Variants in HECTD2 observed in about 807,000 individuals in gnomAD.
HECTD2 encodes probable E3 ubiquitin-protein ligase HECTD2.
Under a neutral mutation model 103.2 loss-of-function variants are expected in HECTD2, and 35 were observed. The ratio of observed to expected loss-of-function variants is 0.34; its 90% CI spans 0.26 to 0.45. The LOEUF (loss-of-function observed/expected upper bound fraction) is 0.45. Ranked by LOEUF, HECTD2 falls within the 20% of genes least tolerant of loss-of-function variation. HECTD2 has a pLI of 1.00. For missense variants in HECTD2, 596 were observed against 937.4 expected (o/e 0.64, Z 4.76); for synonymous variants, 281 against 329.9 (o/e 0.85, Z 1.61).
chr10:91,504,816 A>C (rs1847078288), intron 20 of HECTD2, among the ~76,000 whole-genome samples: 2 of 151,960 alleles, frequency 1.3e-5, no homozygotes, highest in Admixed American at 6.6e-5. Flanking sequence ...ACTCCAAGAC[A>C]CATAATTGTC....
At chr10:91,475,773 AGAGT>A (rs1281874615) in intron 5 of HECTD2, among the ~76,000 whole-genome samples, 4 of 152,228 alleles carry the variant, frequency 2.6e-5, no homozygotes, top group African/African-American at 9.6e-5. Flanking sequence ...AGTTGTTAGC[AGAGT>A]AAGTGAGACC....
At chr10:91,453,016 A>T (rs1022339829) in intron 2 of HECTD2, among the ~76,000 whole-genome samples, 3 of 152,170 alleles carry the variant, frequency 2.0e-5, no homozygotes, top group Non-Finnish European at 4.4e-5. Context: ...AAGGTGATAA[A>T]CAGAAGTATT....
Position 91,491,180 on chromosome 10 carries a change from T to G in HECTD2, c.1192-20T>G, listed in dbSNP as rs1159595038. The G allele has an allele frequency of 3.9e-6, 5 of 1,280,830 alleles. No individual in the cohort carries two copies. The highest frequency in any genetic ancestry group is 1.5e-5 in the African/African-American group (1 of 67,968). The allele number at this position is 1,280,830 out of a possible 1,614,324, so 79.3% of individuals were successfully genotyped here. A position where few individuals can be genotyped will look rare whatever the true frequency, so the allele number is the denominator to read the frequency against. On this transcript the variant is annotated intron_variant, in intron 11 of 20. Coordinates refer to ENST00000298068, the MANE Select transcript of HECTD2 (RefSeq NM_182765.6). ...ATAGTCTAAGTAAAAGCAAAACTGT[T>G]TACTTTCTTATTTAATCAGCAAAGT...
rs1349540367 is a variant in HECTD2 at position 91,514,261 on chromosome 10, T to C, written c.*1877T>C. 1.3e-5 allele frequency: 2 copies of C among 152,646 alleles called. No individual in the cohort carries two copies. The highest frequency in any genetic ancestry group is 2.9e-5 in the Non-Finnish European group (2 of 68,026). 9.5% of individuals were successfully genotyped at this position (152,646 alleles called of 1,614,324 possible). A position where few individuals can be genotyped will look rare whatever the true frequency, so the allele number is the denominator to read the frequency against. On this transcript the variant is annotated 3_prime_UTR_variant, in exon 21 of 21. Coordinates refer to ENST00000298068, the MANE Select transcript of HECTD2 (RefSeq NM_182765.6). ...TTTAATGATGTGCTTGTATATCGAT[T>C]AGCTGTGTCACTTTTAAATAAGAAG...
chr10:91,418,328 A>C (rs1003275390), intron 1 of HECTD2, among the ~76,000 whole-genome samples: 1 of 152,216 alleles, frequency 6.6e-6, no homozygotes, highest in African/African-American at 2.4e-5. Flanking sequence ...AATGAATAAA[A>C]TCTCTAATGC....
intron 2 of HECTD2, among the ~76,000 whole-genome samples, chr10:91,450,578 G>T (rs1054717022): frequency 6.6e-6 from 1 of 151,964 alleles, no homozygotes; most frequent in African/African-American, 2.4e-5. Flanking sequence ...TATCATCAGA[G>T]TGAAGAGGCA....
In HECTD2 at chr10:91,498,908, A is replaced by G; in HGVS notation, c.1792A>G (p.Asn598Asp). 1 of 1,606,710 alleles carries G rather than the reference A, an allele frequency of 6.2e-7. No homozygotes were observed. The highest frequency in any genetic ancestry group is 8.5e-7 in the Non-Finnish European group (1 of 1,174,676). ...AGAATTTGGAATAATCAAGTCCTAT[A>G]ATTTAAAGCCCGGTGGTGATAAAAT... is the stretch of plus-strand genomic sequence containing the variant. ...QEEFGIIKSY[N>D]LKPGGDKISV... Residue 598 changes from asparagine (N) to aspartate (D), a missense_variant, in exon 17 of 21, where the codon AAT becomes GAT. Asn to Asp is a conservative substitution (Grantham distance 23). This residue lies in a region of HECTD2 where 303 missense variants were observed against 522.5 expected (regional missense o/e 0.58). Coordinates refer to ENST00000298068, the MANE Select transcript of HECTD2 (RefSeq NM_182765.6).
intron 5 of HECTD2, among the ~76,000 whole-genome samples, chr10:91,463,868 A>G (rs1845440406): frequency 6.6e-6 from 1 of 152,234 alleles, no homozygotes; most frequent in Non-Finnish European, 1.5e-5. Context: ...ACCACTTTGG[A>G]AAAATACTTG....
intron 2 of HECTD2, among the ~76,000 whole-genome samples, chr10:91,456,090 T>G (rs921760431): frequency 2.8e-4 from 42 of 152,146 alleles, no homozygotes; most frequent in Non-Finnish European, 4.7e-4. Context: ...TTTAAAGTAG[T>G]TTTTTCCAAT....
chr10:91,437,729 G>A (rs1179149929), intron 2 of HECTD2, among the ~76,000 whole-genome samples: 3 of 145,330 alleles, frequency 2.1e-5, no homozygotes, highest in Admixed American at 1.4e-4. Context: ...TTTTATAATA[G>A]ATGACATATA....
In HECTD2 at chr10:91,501,082, A is replaced by T. The variant is rs186623421; in HGVS notation, c.2067-109A>T. 35 of 842,922 alleles carry T rather than the reference A, an allele frequency of 4.2e-5. No homozygotes were observed. In the East Asian group the frequency reaches 8.8e-4, roughly 21 times the overall value. The allele number at this position is 842,922 out of a possible 1,614,324, so 52.2% of individuals were successfully genotyped here. On this transcript the variant is annotated intron_variant, in intron 19 of 20. Transcript: ENST00000298068. ...TTCCTTAATTTTACAGAAATTCAGG[A>T]TATTATGTATGCTTAAGGAAAGTCC... is the stretch of plus-strand genomic sequence containing the variant.
chr10:91,415,012 C>T (rs1480855607), intron 1 of HECTD2, among the ~76,000 whole-genome samples: 1 of 152,152 alleles, frequency 6.6e-6, no homozygotes, highest in Non-Finnish European at 1.5e-5. Flanking sequence ...AGCTTTGTAG[C>T]TCATGCCTGA....
Position 91,513,757 on chromosome 10 carries a change from A to C in HECTD2, c.*1373A>C, listed in dbSNP as rs941532798. ...TCATATGCAAATAATACTTTCCCCA[A>C]AATCTTTCTGGGCTAGGCTATTTTC... On this transcript the variant is annotated 3_prime_UTR_variant, in exon 21 of 21. Transcript: ENST00000298068. The C allele has an allele frequency of 1.3e-5, 2 of 152,590 alleles. No individual in the cohort carries two copies. Among genetic ancestry groups the C allele is most frequent in the Non-Finnish European group, 1.5e-5 (1 of 68,022 alleles). 9.5% of individuals were successfully genotyped at this position (152,590 alleles called of 1,614,324 possible). A position where few individuals can be genotyped will look rare whatever the true frequency, so the allele number is the denominator to read the frequency against.
rs951990874 is a variant in HECTD2, at chr10:91,512,856, A to C, written c.*472A>C. On this transcript the variant is annotated 3_prime_UTR_variant, in exon 21 of 21. Coordinates refer to ENST00000298068, the MANE Select transcript of HECTD2 (RefSeq NM_182765.6). ...GGTATACAACACAGTATCATTGCAA[A>C]TGCAGTTTACAGGGATTTTTGATAT... The C allele has an allele frequency of 1.3e-5, 2 of 153,490 alleles. No homozygotes were observed. The highest frequency in any genetic ancestry group is 4.8e-5 in the African/African-American group (2 of 41,480). The allele number at this position is 153,490 out of a possible 1,614,324, so 9.5% of individuals were successfully genotyped here.
intron 1 of HECTD2, among the ~76,000 whole-genome samples, chr10:91,415,353 A>G (rs1347945024): frequency 6.6e-6 from 1 of 152,172 alleles, no homozygotes; most frequent in East Asian, 1.9e-4. Context: ...TATGGTGATG[A>G]TGTTTAAGTA....
At chr10:91,452,968 CAAA>C (rs1844901483) in intron 2 of HECTD2, among the ~76,000 whole-genome samples, 1 of 151,734 alleles carries the variant, frequency 6.6e-6, no homozygotes, top group African/African-American at 2.4e-5. Context: ...AGAAAGGAAA[CAAA>C]AGAAGGAAAC....
intron 2 of HECTD2, among the ~76,000 whole-genome samples, chr10:91,445,825 T>A (rs1436349034): frequency 6.6e-6 from 1 of 152,096 alleles, no homozygotes; most frequent in East Asian, 1.9e-4. Flanking sequence ...CGTGAGAGAC[T>A]GTGCCCTGAG....
chr10:91,430,182 A>G (rs1256687770), intron 2 of HECTD2, among the ~76,000 whole-genome samples: 3 of 150,930 alleles, frequency 2.0e-5, no homozygotes, highest in Admixed American at 6.6e-5. Flanking sequence ...CATGTAGTTG[A>G]GCAGTTTTGA....
At chr10:91,415,193 AG>A (rs1486202133) in intron 1 of HECTD2, among the ~76,000 whole-genome samples, 1 of 141,624 alleles carries the variant, frequency 7.1e-6, no homozygotes, top group Non-Finnish European at 1.5e-5. Flanking sequence ...AATTAGAGAA[AG>A]TGTGTGTGTG....
Sources: allele counts gnomAD v4.1 joint callset (sites outside exome capture counted in the v4.1 genomes callset), GRCh38; gene constraint gnomAD v4.1.1; regional missense constraint gnomAD v4.1.1; transcripts MANE v1.5; gene names NCBI Gene and HGNC (gene_info 2026-07-23, HGNC 2026-07-21).